The following ATG16L1 variants were observed in gnomAD, a reference collection of about 807,000 sequenced individuals.
ATG16L1 encodes autophagy-related protein 16-1.
Under a neutral mutation model 88.5 loss-of-function variants are expected in ATG16L1, and 37 were observed. That is an observed-to-expected ratio of 0.42 (90% CI 0.32 to 0.55). ATG16L1 has a LOEUF of 0.55. ATG16L1 is among the 20% of genes least tolerant of loss of function. The probability of loss-of-function intolerance (pLI) is 0.13; values close to 1 mark genes in which losing one functional copy is unlikely to be tolerated. For missense variants in ATG16L1, 554 were observed against 752.8 expected (o/e 0.74, Z 3.09); for synonymous variants, 301 against 281.0 (o/e 1.07, Z -0.71).
intron 9 of ATG16L1, 126 bp downstream of exon 9, chr2:233,274,904 T>G: frequency 6.4e-6 from 4 of 627,472 alleles, no homozygotes; most frequent in Non-Finnish European, 1.0e-5. Flanking sequence ...CCTTTCCACC[T>G]TTTGGCTCTG....
chr2:233,292,393 T>C lies in ATG16L1; in HGVS notation c.1587T>C (p.Pro529=), dbSNP rs1451710352. The C allele has an allele frequency of 1.2e-6, 2 of 1,613,606 alleles. No individual in the cohort carries two copies. The highest frequency in any genetic ancestry group is 3.3e-5 in the Admixed American group (2 of 60,026). Residue 529 remains proline, a synonymous_variant, in exon 16 of 18, where the codon CCT becomes CCC. Transcript: ENST00000392017. ...GCCCTGTTGTTTGTTTCAGTGCACC[T>C]GGGTTCAAGTGCGGCTCTGACTGGA... is the stretch of plus-strand genomic sequence containing the variant. ...TNAIKQTFSA[P]GFKCGSDWTR...
chr2:233,269,703 T>C (rs1438163104), intron 5 of ATG16L1, among the ~76,000 whole-genome samples: 5 of 152,188 alleles, frequency 3.3e-5, no homozygotes, highest in East Asian at 1.9e-4. Context: ...GCCTGAGGCA[T>C]GTGTCTATCC....
chr2:233,275,948 C>T (rs751480354), intron 9 of ATG16L1: 3 of 519,134 alleles, frequency 5.8e-6, no homozygotes, highest in South Asian at 1.4e-5. Flanking sequence ...AGGAGACTGA[C>T]GAGTGGCAGT....
chr2:233,253,486 T>C (rs1433194890), intron 1 of ATG16L1, among the ~76,000 whole-genome samples: 4 of 151,450 alleles, frequency 2.6e-5, no homozygotes, highest in African/African-American at 9.7e-5. Flanking sequence ...GCTGGAACTA[T>C]AGGCAAGCAC....
At chr2:233,268,276 C>G (rs1697745292) in intron 5 of ATG16L1, among the ~76,000 whole-genome samples, 1 of 152,128 alleles carries the variant, frequency 6.6e-6, no homozygotes, top group Non-Finnish European at 1.5e-5. Context: ...GCCAACATGG[C>G]AAAACCCTGT....
intron 17 of ATG16L1, 105 bp from the exon 18 acceptor site, chr2:233,294,152 G>A: frequency 3.3e-6 from 3 of 898,510 alleles, no homozygotes; most frequent in Non-Finnish European, 1.6e-6. Flanking sequence ...ATGGAAGTTG[G>A]AAAAATTAGG....
intron 12 of ATG16L1, among the ~76,000 whole-genome samples, chr2:233,286,775 G>C (rs575330399): frequency 6.6e-6 from 1 of 151,566 alleles, no homozygotes; most frequent in Non-Finnish European, 1.5e-5. Context: ...ACAGGCGCCC[G>C]CCACCACGTC....
Position 233,294,239 on chromosome 2 carries a change from C to T in ATG16L1, c.1731-18C>T. On this transcript the variant is annotated intron_variant, in intron 17 of 17. Coordinates refer to ENST00000392017, the MANE Select transcript of ATG16L1 (RefSeq NM_030803.7). ...AAATGTTCTGAAACTTGGTGCTTTT[C>T]TGATCTCTCCTTTGAAGCTCATCCA... 1 of 1,568,722 alleles carries T rather than the reference C, an allele frequency of 6.4e-7. No homozygotes were observed. The highest frequency in any genetic ancestry group is 1.2e-5 in the South Asian group (1 of 86,030).
chr2:233,259,531 T>G (rs1385919290), intron 2 of ATG16L1, among the ~76,000 whole-genome samples: 2 of 152,222 alleles, frequency 1.3e-5, no homozygotes, highest in Admixed American at 1.3e-4. Context: ...TAGTTATGTG[T>G]TGTTTGGCAA....
chr2:233,270,474 C>G (rs1049055805), intron 6 of ATG16L1, among the ~76,000 whole-genome samples: 2 of 152,096 alleles, frequency 1.3e-5, no homozygotes, highest in African/African-American at 4.8e-5. Flanking sequence ...CACCAAATAA[C>G]CTTCCAAAAA....
chr2:233,289,847 C>A lies in ATG16L1; in HGVS notation c.1204-7C>A. The A allele has an allele frequency of 6.2e-7, 1 of 1,613,964 alleles. No individual in the cohort carries two copies. Among genetic ancestry groups the A allele is most frequent in the Non-Finnish European group, 8.5e-7 (1 of 1,179,846 alleles). On this transcript the variant is annotated splice_region_variant and splice_polypyrimidine_tract_variant and intron_variant, in intron 12 of 17. Coordinates refer to ENST00000392017, the MANE Select transcript of ATG16L1 (RefSeq NM_030803.7). ...GAGGCTCACCCTGGCTGTGTTCTCTCTCCTAGCACACACTCACGGGACACA... is the reference window on the plus strand; with the variant it reads ...GAGGCTCACCCTGGCTGTGTTCTCTATCCTAGCACACACTCACGGGACACA...
chr2:233,273,477 AT>A (rs1698128642), intron 7 of ATG16L1: 1 of 544,114 alleles, frequency 1.8e-6, no homozygotes, highest in African/African-American at 1.9e-5. Context: ...CTAATGCTTT[AT>A]TTCCAGGGAA....
chr2:233,287,972 A>G (rs923988667), intron 12 of ATG16L1, among the ~76,000 whole-genome samples: 1 of 152,170 alleles, frequency 6.6e-6, no homozygotes, highest in Non-Finnish European at 1.5e-5. Flanking sequence ...TATTGAATGG[A>G]ATCATTATTC....
intron 12 of ATG16L1, among the ~76,000 whole-genome samples, chr2:233,289,523 C>T (rs1245883653): frequency 6.6e-6 from 1 of 151,980 alleles, no homozygotes; most frequent in African/African-American, 2.4e-5. Context: ...GTAGCTGGGA[C>T]CCCAGGCGCA....
chr2:233,258,029 C>T (rs28554073), intron 2 of ATG16L1, among the ~76,000 whole-genome samples: 1 of 145,404 alleles, frequency 6.9e-6, no homozygotes, highest in Non-Finnish European at 1.5e-5. Context: ...ATCTATATAT[C>T]TATATATCTA....
intron 12 of ATG16L1, among the ~76,000 whole-genome samples, chr2:233,287,870 C>T (rs1344200302): frequency 6.6e-6 from 1 of 152,142 alleles, no homozygotes; most frequent in African/African-American, 2.4e-5. Flanking sequence ...AAGAGTGAAA[C>T]TCTGTCTCAA....
chr2:233,270,135 A>ATT (rs529290962), intron 6 of ATG16L1, 68 bp downstream of exon 6: 974 of 1,193,176 alleles, frequency 8.2e-4, no homozygotes, highest in South Asian at 1.2e-3. Flanking sequence ...TTTTGTTTTT[A>ATT]TTTTTTTTTT....
chr2:233,270,187 G>A (rs1271825065), intron 6 of ATG16L1, 120 bp downstream of exon 6: 5 of 789,148 alleles, frequency 6.3e-6, no homozygotes, highest in Non-Finnish European at 9.6e-6. Context: ...CTGTTGCCCA[G>A]GCTGGAGTGC....
rs1469546238 is a variant in ATG16L1 at position 233,294,688 on chromosome 2, A to T, written c.*338A>T. On this transcript the variant is annotated 3_prime_UTR_variant, in exon 18 of 18. Transcript: ENST00000392017. The stretch of plus-strand genomic sequence containing the variant: ...GGCCTCCTCACCAACGGCAGTGCCA[A>T]AATCAGCCCCCACATCAAGGTGGTG... 1 of 191,936 alleles carries T rather than the reference A, an allele frequency of 5.2e-6. No individual in the cohort carries two copies. Among genetic ancestry groups the T allele is most frequent in the East Asian group, 1.3e-4 (1 of 7,682 alleles). 11.9% of individuals were successfully genotyped at this position (191,936 alleles called of 1,614,324 possible). A position where few individuals can be genotyped will look rare whatever the true frequency, so the allele number is the denominator to read the frequency against.
Sources: gnomAD v4.1 joint callset for allele counts (sites outside exome capture counted in the v4.1 genomes callset) on GRCh38, gnomAD v4.1.1 for gene constraint, MANE v1.5 for transcripts, NCBI Gene and HGNC (gene_info 2026-07-23, HGNC 2026-07-21) for gene names.